Variants in PPME1 observed in about 807,000 individuals in gnomAD.
The protein encoded by PPME1 is testicular secretory protein Li 39.
Under a neutral mutation model 56.9 loss-of-function variants are expected in PPME1, and 17 were observed. The ratio of observed to expected loss-of-function variants is 0.30; its 90% CI spans 0.20 to 0.45. The LOEUF (loss-of-function observed/expected upper bound fraction) is 0.45. Among genes scored for constraint, PPME1 ranks in the 20% least tolerant of loss-of-function variants. The probability of loss-of-function intolerance (pLI) is 1.00; values close to 1 mark genes in which losing one functional copy is unlikely to be tolerated. For synonymous variants in PPME1, 122 were observed against 156.2 expected (o/e 0.78, Z 1.63); for missense variants, 357 against 483.2 (o/e 0.74, Z 2.45).
chr11:74,171,588 G>A, intron 1 of PPME1, 66 bp downstream of exon 1: 1 of 1,513,334 alleles, frequency 6.6e-7, no homozygotes. Flanking sequence ...GTATCTCTGG[G>A]CGTTCATAGA....
At chr11:74,225,060 C>G in intron 4 of PPME1, 145 bp from the exon 5 acceptor site, 1 of 561,506 alleles carries the variant, frequency 1.8e-6, no homozygotes, top group South Asian at 2.6e-5. Flanking sequence ...AAAGATTTTT[C>G]TGAAGAAAAT....
At chr11:74,210,453 G>A (rs1858442021) in intron 3 of PPME1, among the ~76,000 whole-genome samples, 1 of 152,096 alleles carries the variant, frequency 6.6e-6, no homozygotes, top group Non-Finnish European at 1.5e-5. Context: ...TGGATATTTG[G>A]CCACTCTAAA....
chr11:74,188,014 G>A (rs1857732263), intron 1 of PPME1, among the ~76,000 whole-genome samples: 1 of 152,074 alleles, frequency 6.6e-6, no homozygotes, highest in Non-Finnish European at 1.5e-5. Context: ...TTAAAGTGGA[G>A]GAAGAACCTG....
chr11:74,232,854 T>C (rs548876519), intron 7 of PPME1, among the ~76,000 whole-genome samples: 15 of 146,406 alleles, frequency 1.0e-4, no homozygotes, highest in Admixed American at 6.7e-4. Flanking sequence ...TAATTTTTGT[T>C]ATTTGATTTT....
chr11:74,205,767 C>T (rs998433078), intron 3 of PPME1: 2 of 152,134 alleles, frequency 1.3e-5, no homozygotes, highest in African/African-American at 4.8e-5. Context: ...ACTTTTTTCT[C>T]TTACTCTAGG....
At chr11:74,197,464 A>G (rs576044300) in intron 1 of PPME1, among the ~76,000 whole-genome samples, 42 of 152,318 alleles carry the variant, frequency 2.8e-4, no homozygotes, top group Non-Finnish European at 4.9e-4. Flanking sequence ...TAGTTTTATG[A>G]TAAATAGAAC....
chr11:74,230,236 T>A lies in PPME1; in HGVS notation c.399-9T>A. On this transcript the variant is annotated splice_polypyrimidine_tract_variant and intron_variant, in intron 5 of 13. Coordinates refer to ENST00000328257, the MANE Select transcript of PPME1 (RefSeq NM_016147.3). This position sits in a 1 kb window ranked among gnomAD's most constrained non-coding sequence, Gnocchi z 4.9. ...AGCATTCTTAGATCTTTTTCTCTTC[T>A]CTTTGCAGAGACGTTGGCAATGTGG... The A allele has an allele frequency of 6.3e-7, 1 of 1,592,982 alleles. No homozygotes were observed.
intron 3 of PPME1, among the ~76,000 whole-genome samples, chr11:74,220,971 TATC>T (rs1287198225): frequency 2.6e-5 from 4 of 152,178 alleles, no homozygotes; most frequent in African/African-American, 9.7e-5. Context: ...AGAATGTAGA[TATC>T]ATGAGAGCAG....
At chr11:74,190,829 G>A (rs1857816316) in intron 1 of PPME1, among the ~76,000 whole-genome samples, 1 of 152,182 alleles carries the variant, frequency 6.6e-6, no homozygotes, top group African/African-American at 2.4e-5. Flanking sequence ...AGGCTAATGA[G>A]GTCTCAGATG....
intron 1 of PPME1, among the ~76,000 whole-genome samples, chr11:74,187,436 G>A (rs185446258): frequency 1.2e-4 from 18 of 152,126 alleles, no homozygotes; most frequent in Admixed American, 3.9e-4. Context: ...ATAGTTTTCA[G>A]TGTTTAAATC....
At chr11:74,198,861 T>G (rs2135616194) in intron 1 of PPME1, 2 of 152,340 alleles carry the variant, frequency 1.3e-5, no homozygotes, top group South Asian at 4.1e-4. Context: ...AGACTGGCTC[T>G]TCATTTTCTA....
chr11:74,233,146 A>T (rs1424446704), intron 7 of PPME1, among the ~76,000 whole-genome samples: 1 of 152,144 alleles, frequency 6.6e-6, no homozygotes, highest in Admixed American at 6.5e-5. Flanking sequence ...ACAAGGAAAC[A>T]CATAAACATA....
intron 9 of PPME1, among the ~76,000 whole-genome samples, chr11:74,242,892 A>C (rs1164671605): frequency 2.6e-5 from 4 of 151,396 alleles, no homozygotes; most frequent in South Asian, 4.2e-4. Context: ...AAAAAAAAAA[A>C]AAAAAAAAAA....
chr11:74,224,111 G>A lies in PPME1; in HGVS notation c.347-1094G>A, dbSNP rs1394813243. 1.0e-4 allele frequency among the ~76,000 whole-genome samples: 15 copies of A among 148,450 alleles called. No individual in the cohort carries two copies. The East Asian group carries it at 1.6e-3, about 16-fold the overall frequency. On this transcript the variant is annotated intron_variant, in intron 4 of 13. Coordinates refer to ENST00000328257, the MANE Select transcript of PPME1 (RefSeq NM_016147.3). ...TTAAGTCTTTAATCCATCTTGAATT[G>A]ATTTTTGTATAAGGTGTAAGGAAGG...
intron 3 of PPME1, among the ~76,000 whole-genome samples, chr11:74,211,946 G>C (rs73549009): frequency 0.018 from 2,701 of 152,232 alleles, 77 homozygotes; most frequent in African/African-American, 0.062. Flanking sequence ...AGAGCAAGAT[G>C]GTGAAATAGA....
At chr11:74,185,570 C>T (rs935198642) in intron 1 of PPME1, among the ~76,000 whole-genome samples, 2 of 149,666 alleles carry the variant, frequency 1.3e-5, no homozygotes, top group Non-Finnish European at 1.5e-5. Flanking sequence ...TCTGTCTGTT[C>T]TCTTGCTTTC....
In PPME1 at chr11:74,253,738, C is replaced by T. The variant is rs1859764259; in HGVS notation, c.*228C>T. On this transcript the variant is annotated 3_prime_UTR_variant, in exon 14 of 14. Transcript: ENST00000328257. ...TTCCCCAGTCCAGGGCTCCCCTGCT[C>T]CTTTCCCTTCCCTGTACTGGGGTAG... 3.3e-6 allele frequency: 2 copies of T among 605,708 alleles called. No homozygotes were observed. Among genetic ancestry groups the T allele is most frequent in the Non-Finnish European group, 5.9e-6 (2 of 340,188 alleles). The allele number at this position is 605,708 out of a possible 1,614,324, so 37.5% of individuals were successfully genotyped here. A position where few individuals can be genotyped will look rare whatever the true frequency, so the allele number is the denominator to read the frequency against.
At chr11:74,216,217 A>G (rs1465443523) in intron 3 of PPME1, among the ~76,000 whole-genome samples, 3 of 152,250 alleles carry the variant, frequency 2.0e-5, no homozygotes, top group Non-Finnish European at 4.4e-5. Context: ...GACATGGATC[A>G]TTCTCAAGGA....
At position 74,183,751 on chromosome 11, in the gene PPME1, ATCTAT is replaced by A. The variant is rs1235259690; in HGVS notation, c.101+12234_101+12238del. Among the ~76,000 whole-genome samples, 4 of 152,122 alleles carry A rather than the reference ATCTAT, an allele frequency of 2.6e-5. No homozygotes were observed. In the East Asian group the frequency reaches 7.7e-4, roughly 29 times the overall value. Reference sequence around the variant, plus strand: ...TGGTGCCTTGTACATACTGTATTTCATCTATTCTAGCAACAAGATTGTGATCTGCT... The same window carrying A: ...TGGTGCCTTGTACATACTGTATTTCATCTAGCAACAAGATTGTGATCTGCT... On this transcript the variant is annotated intron_variant, in intron 1 of 13. Transcript: ENST00000328257.
Sources: gnomAD v4.1 joint callset for allele counts (sites outside exome capture counted in the v4.1 genomes callset) on GRCh38, gnomAD v4.1.1 for gene constraint, Gnocchi (gnomAD v3.1) non-coding constraint, MANE v1.5 for transcripts, NCBI Gene and HGNC (gene_info 2026-07-23, HGNC 2026-07-21) for gene names.